SMYD1: variants seen among roughly 807,000 people sequenced by gnomAD.
SMYD1 encodes the protein SET and MYND domain containing 1, also known as histone-lysine N-methyltransferase SMYD1.
In SMYD1, 49 loss-of-function variants were observed where a neutral mutation model predicts 54.0. The observed-to-expected ratio is 0.91, with a 90% CI of 0.72 to 1.15. The LOEUF (loss-of-function observed/expected upper bound fraction) is 1.15. Ranked by LOEUF, SMYD1 falls within the 50% of genes most tolerant of loss-of-function variation. SMYD1 has a pLI of 0.00. For synonymous variants in SMYD1, 269 were observed against 234.2 expected (o/e 1.15, Z -1.36); for missense variants, 653 against 639.6 (o/e 1.02, Z -0.23).
chr2:88,110,216 T>TGC, intron 9 of SMYD1, 138 bp from the exon 10 acceptor site: 1 of 813,880 alleles, frequency 1.2e-6, no homozygotes, highest in Non-Finnish European at 1.9e-6. Context: ...TGTGTGTGTG[T>TGC]GTGTGTGTGT....
Position 88,112,036 on chromosome 2 carries a change from C to T in SMYD1, c.*1524C>T. On this transcript the variant is annotated 3_prime_UTR_variant, in exon 10 of 10. Transcript: ENST00000419482. ...AGTGGCTGAAAACTCTGCAAATGGGCCACACTTTTGCAAAATACTTGTATC... is the reference window on the plus strand; with the variant it reads ...AGTGGCTGAAAACTCTGCAAATGGGTCACACTTTTGCAAAATACTTGTATC... The T allele has an allele frequency of 2.8e-6, 2 of 702,904 alleles. No homozygotes were observed. The highest frequency in any genetic ancestry group is 3.0e-5 in the South Asian group (2 of 67,556). The allele number at this position is 702,904 out of a possible 1,614,324, so 43.5% of individuals were successfully genotyped here.
intron 2 of SMYD1, 138 bp downstream of exon 2, chr2:88,084,630 C>T: frequency 1.4e-6 from 1 of 726,754 alleles, no homozygotes; most frequent in Non-Finnish European, 2.2e-6. Flanking sequence ...GATATGGTCA[C>T]TTCTCTTCAC....
chr2:88,098,879 C>G (rs530972286), intron 6 of SMYD1, among the ~76,000 whole-genome samples: 1 of 152,250 alleles, frequency 6.6e-6, no homozygotes, highest in East Asian at 1.9e-4. Flanking sequence ...ATCAGTACAC[C>G]AGCCTCAAAC....
At chr2:88,084,970 G>A (rs114654835) in intron 2 of SMYD1, among the ~76,000 whole-genome samples, 9,494 of 151,936 alleles carry the variant, frequency 0.062, 326 homozygotes, top group South Asian at 0.14. Context: ...GGGTAGCCTC[G>A]AACTCCTGAG....
At chr2:88,082,749 GGA>G (rs1339094324) in intron 1 of SMYD1, 2 of 154,418 alleles carry the variant, frequency 1.3e-5, no homozygotes. Context: ...TTAACTTGGA[GGA>G]GAGAAATGAA....
intron 2 of SMYD1, among the ~76,000 whole-genome samples, chr2:88,085,995 GA>G (rs1674314860): frequency 6.6e-6 from 1 of 152,196 alleles, no homozygotes; most frequent in Admixed American, 6.5e-5. Context: ...GGACAGAAGG[GA>G]CCCTGAGGTG....
chr2:88,095,224 T>C (rs1279436541), intron 5 of SMYD1, among the ~76,000 whole-genome samples: 2 of 152,162 alleles, frequency 1.3e-5, no homozygotes, highest in Non-Finnish European at 2.9e-5. Flanking sequence ...TGGCCATTCA[T>C]CACTATAGTA....
At chr2:88,084,993 AC>A (rs1037291870) in intron 2 of SMYD1, among the ~76,000 whole-genome samples, 1 of 151,918 alleles carries the variant, frequency 6.6e-6, no homozygotes, top group Non-Finnish European at 1.5e-5. Flanking sequence ...CAAGCGATCC[AC>A]CCGTCTCGGC....
intron 8 of SMYD1, among the ~76,000 whole-genome samples, chr2:88,107,429 A>G (rs527825841): frequency 6.6e-6 from 1 of 152,340 alleles, no homozygotes; most frequent in African/African-American, 2.4e-5. Flanking sequence ...ATGCTGTCTC[A>G]AAAAGGACAT....
rs1190609250 is a variant in SMYD1, at chr2:88,067,847, G to C, written c.-18G>C. The C allele has an allele frequency of 1.2e-5, 20 of 1,611,916 alleles. No individual in the cohort carries two copies. Among genetic ancestry groups the C allele is most frequent in the Non-Finnish European group, 1.7e-5 (20 of 1,179,262 alleles). ...CTCAGTGTTAAATAACTGCCGCGCT[G>C]GCCTGACAGTCTCTGAGATGACAAT... On this transcript the variant is annotated 5_prime_UTR_variant, in exon 1 of 10. Coordinates refer to ENST00000419482, the MANE Select transcript of SMYD1 (RefSeq NM_198274.4).
chr2:88,082,707 G>A (rs1400329831), intron 1 of SMYD1: 1 of 154,402 alleles, frequency 6.5e-6, no homozygotes, highest in African/African-American at 2.4e-5. Flanking sequence ...TAGAAACCAT[G>A]TACAAAGAAT....
Position 88,082,112 on chromosome 2 carries a change from C to T in SMYD1, c.138-2204C>T, listed in dbSNP as rs143244035. ...CCATGTGCTCTATTCTGCTGGGGCA[C>T]TTATGACAAATGACCTTCTCAGGGA... On this transcript the variant is annotated intron_variant, in intron 1 of 9. Coordinates refer to ENST00000419482, the MANE Select transcript of SMYD1 (RefSeq NM_198274.4). 1.8e-4 allele frequency among the ~76,000 whole-genome samples: 27 copies of T among 152,202 alleles called. 1 individual carries two copies. The highest frequency in any genetic ancestry group is 5.1e-4 in the African/African-American group (21 of 41,534).
intron 8 of SMYD1, among the ~76,000 whole-genome samples, chr2:88,106,838 C>T (rs1445616585): frequency 6.6e-6 from 1 of 152,172 alleles, no homozygotes; most frequent in Non-Finnish European, 1.5e-5. Context: ...TCAACACAGG[C>T]AAGTCTAGGA....
chr2:88,110,333 C>T (rs376916348), intron 9 of SMYD1, 21 bp from the exon 10 acceptor site: 41 of 1,601,422 alleles, frequency 2.6e-5, no homozygotes, highest in African/African-American at 8.0e-5. Flanking sequence ...TCACTGTTTA[C>T]GGTGTATCTG....
rs556263577 is a variant in SMYD1, at chr2:88,083,427, C to T, written c.138-889C>T. ...GGGAACACTAAGAGGCTGGAAGCAC[C>T]GGGCGGGGATCCTCATCTTCCCACA... On this transcript the variant is annotated intron_variant, in intron 1 of 9. Transcript: ENST00000419482. Among the ~76,000 whole-genome samples, 6 of 152,096 alleles carry T rather than the reference C, an allele frequency of 3.9e-5. No homozygotes were observed. The East Asian group carries it at 7.8e-4, about 20-fold the overall frequency.
intron 2 of SMYD1, among the ~76,000 whole-genome samples, chr2:88,085,603 A>G (rs1389906678): frequency 1.3e-5 from 2 of 152,184 alleles, no homozygotes; most frequent in Admixed American, 6.5e-5. Flanking sequence ...TTGAAACACT[A>G]CATATCCTTC....
intron 9 of SMYD1, 102 bp downstream of exon 9, chr2:88,108,641 C>T: frequency 8.2e-7 from 1 of 1,217,288 alleles, no homozygotes; most frequent in Non-Finnish European, 1.1e-6. Context: ...TCCACATACT[C>T]CCAGCTAGAC....
At chr2:88,083,631 A>G (rs1329001091) in intron 1 of SMYD1, among the ~76,000 whole-genome samples, 1 of 151,434 alleles carries the variant, frequency 6.6e-6, no homozygotes, top group Non-Finnish European at 1.5e-5. Flanking sequence ...TGCATACAAT[A>G]CTGTGTTCTG....
At chr2:88,093,464 C>T in intron 4 of SMYD1, 53 bp from the exon 5 acceptor site, 1 of 1,607,368 alleles carries the variant, frequency 6.2e-7, no homozygotes, top group Non-Finnish European at 8.5e-7. Flanking sequence ...CTGGATCACA[C>T]CTGATCAGCC....
Sources: gnomAD v4.1 joint callset for allele counts (sites outside exome capture counted in the v4.1 genomes callset) on GRCh38, gnomAD v4.1.1 for gene constraint, MANE v1.5 for transcripts, NCBI Gene and HGNC (gene_info 2026-07-23, HGNC 2026-07-21) for gene names.